The following NDUFAF1 variants were observed in gnomAD, a reference collection of about 807,000 sequenced individuals.
NDUFAF1 encodes complex I intermediate-associated protein 30, mitochondrial.
NDUFAF1 carries 18 observed loss-of-function variants against 28.7 expected under a neutral mutation model. The ratio of observed to expected loss-of-function variants is 0.63; its 90% confidence interval spans 0.43 to 0.93. NDUFAF1 has a LOEUF of 0.93. Among genes scored for constraint, NDUFAF1 ranks in the 40% least tolerant of loss-of-function variants. The probability of loss-of-function intolerance (pLI) is 0.00; values close to 1 mark genes in which losing one functional copy is unlikely to be tolerated. For synonymous variants in NDUFAF1, 113 were observed against 139.7 expected, an observed-to-expected ratio of 0.81 and a Z score of 1.35; for missense variants, 404 against 398.3, an observed-to-expected ratio of 1.01 and a Z score of -0.12.
At chr15:41,393,189 G>A (rs192149292) in intron 3 of NDUFAF1, among the ~76,000 whole-genome samples, 73 of 148,698 alleles carry the variant, frequency 4.9e-4, no homozygotes, top group African/African-American at 1.6e-3. Context: ...CAGTGGCACG[G>A]TCTCAGCTTA....
intron 3 of NDUFAF1, among the ~76,000 whole-genome samples, chr15:41,394,589 A>G (rs1454027962): frequency 6.6e-6 from 1 of 151,322 alleles, no homozygotes; most frequent in Admixed American, 6.6e-5. Flanking sequence ...GTAACAAAAA[A>G]GAAACTACAA....
intron 4 of NDUFAF1, 91 bp from the exon 5 acceptor site, chr15:41,387,684 A>G: frequency 9.0e-7 from 1 of 1,114,122 alleles, no homozygotes; most frequent in African/African-American, 1.5e-5. Flanking sequence ...GGTGATGATT[A>G]TAACTGGGTT....
intron 2 of NDUFAF1, among the ~76,000 whole-genome samples, chr15:41,395,909 G>A (rs2050380845): frequency 6.6e-6 from 1 of 151,524 alleles, no homozygotes; most frequent in Non-Finnish European, 1.5e-5. Flanking sequence ...CCAACATGGT[G>A]AAACCCTGTC....
chr15:41,390,478 C>A (rs888532517), intron 3 of NDUFAF1, among the ~76,000 whole-genome samples: 62 of 152,246 alleles, frequency 4.1e-4, no homozygotes, highest in African/African-American at 1.5e-3. Flanking sequence ...GTAATCCCAG[C>A]ACTTTGGGAG....
intron 2 of NDUFAF1, among the ~76,000 whole-genome samples, 156 bp downstream of exon 2, chr15:41,396,331 T>C (rs1379457983): frequency 2.6e-5 from 4 of 152,168 alleles, no homozygotes; most frequent in Non-Finnish European, 4.4e-5. Flanking sequence ...TTCACACTTG[T>C]GCCAATAGTT....
At chr15:41,390,787 C>T (rs2050307282) in intron 3 of NDUFAF1, among the ~76,000 whole-genome samples, 1 of 151,474 alleles carries the variant, frequency 6.6e-6, no homozygotes, top group Non-Finnish European at 1.5e-5. Context: ...AATCCCAGCA[C>T]TTTGGGAGGC....
chr15:41,399,606 G>A (rs376645811), intron 1 of NDUFAF1, among the ~76,000 whole-genome samples: 2 of 151,794 alleles, frequency 1.3e-5, no homozygotes, highest in East Asian at 3.9e-4. Flanking sequence ...TGTAATCCCA[G>A]CACTTTGGGA....
chr15:41,391,037 AAAAAT>A (rs977413218), intron 3 of NDUFAF1, among the ~76,000 whole-genome samples: 7 of 152,222 alleles, frequency 4.6e-5, no homozygotes, highest in Non-Finnish European at 1.0e-4. Flanking sequence ...TTACAAAAAT[AAAAAT>A]AAAATAAAAT....
intron 1 of NDUFAF1, among the ~76,000 whole-genome samples, chr15:41,397,924 C>A (rs145769862): frequency 0.011 from 1,619 of 147,462 alleles, 35 homozygotes; most frequent in African/African-American, 0.038. Context: ...ACTAAGGAGG[C>A]TGAGGCAAAA....
intron 3 of NDUFAF1, 72 bp from the exon 4 acceptor site, chr15:41,388,594 T>G: frequency 2.1e-6 from 2 of 970,640 alleles, no homozygotes; most frequent in Non-Finnish European, 3.3e-6. Context: ...ATTGTAACGA[T>G]AAAATGAGTT....
chr15:41,397,663 G>A (rs1470124156), intron 1 of NDUFAF1, among the ~76,000 whole-genome samples: 1 of 151,492 alleles, frequency 6.6e-6, no homozygotes, highest in East Asian at 1.9e-4. Flanking sequence ...GCCGGGTGTG[G>A]TGGCGGGCGC....
rs376033318 is a variant in NDUFAF1 at position 41,396,066 on chromosome 15, C to T, written c.573+421G>A. Among the ~76,000 whole-genome samples the T allele has an allele frequency of 6.4e-3, 967 of 150,380 alleles. 14 individuals carry two copies. The highest frequency in any genetic ancestry group is 0.022 in the African/African-American group (906 of 40,924). ...TCACGCCACTGCACTCTAGCCTGGG[C>T]GACAGAGCAAGACTCCGTTTCAAAA... On this transcript the variant is annotated intron_variant, in intron 2 of 4. Coordinates refer to ENST00000260361, the MANE Select transcript of NDUFAF1 (RefSeq NM_016013.4).
In NDUFAF1 at chr15:41,395,954, GGT is replaced by G. The variant is rs1351519671; in HGVS notation, c.573+531_573+532del. ...AATACAAAAATTAGCTGGGCGTGGT[GGT>G]GTGCACCAGTAGTCCCAGCTACTCA... On this transcript the variant is annotated intron_variant, in intron 2 of 4. Coordinates refer to ENST00000260361, the MANE Select transcript of NDUFAF1 (RefSeq NM_016013.4). Among the ~76,000 whole-genome samples, 198 of 151,948 alleles carry G rather than the reference GGT, an allele frequency of 1.3e-3. 1 individual carries two copies. Among genetic ancestry groups the G allele is most frequent in the Non-Finnish European group, 2.2e-3 (151 of 67,946 alleles).
chr15:41,393,069 C>G (rs1164835815), intron 3 of NDUFAF1, among the ~76,000 whole-genome samples: 1 of 151,006 alleles, frequency 6.6e-6, no homozygotes, highest in South Asian at 2.1e-4. Flanking sequence ...GAGAAGAATT[C>G]AGGATGACCC....
At chr15:41,400,140 A>C (rs982425309) in intron 1 of NDUFAF1, among the ~76,000 whole-genome samples, 1 of 151,370 alleles carries the variant, frequency 6.6e-6, no homozygotes, top group Non-Finnish European at 1.5e-5. Context: ...TTGGGAGGCC[A>C]AGGTGGGTGG....
chr15:41,391,319 C>A (rs2050313029), intron 3 of NDUFAF1, among the ~76,000 whole-genome samples: 1 of 151,912 alleles, frequency 6.6e-6, no homozygotes, highest in African/African-American at 2.4e-5. Context: ...TCTGCTCTCA[C>A]AGAATTTACA....
chr15:41,396,865 T>C lies in NDUFAF1; in HGVS notation c.195A>G (p.Lys65=), dbSNP rs760684650. 2.2e-5 allele frequency: 35 copies of C among 1,614,076 alleles called. No homozygotes were observed. The highest frequency in any genetic ancestry group is 2.9e-5 in the Non-Finnish European group (34 of 1,180,048). ...AAGAAGTTATATCCAAAGCAACTTC[T>C]TTCTGGTGATCTCCTTGCAAATCCC... is the stretch of plus-strand genomic sequence containing the variant. ...TEGDLQGDHQ[K]EVALDITSSE... The change falls in exon 2 of 5, where the codon AAA becomes AAG. Residue 65 remains lysine (K), a synonymous_variant. Transcript: ENST00000260361.
intron 2 of NDUFAF1, among the ~76,000 whole-genome samples, chr15:41,395,429 G>A (rs2050372584): frequency 6.6e-6 from 1 of 150,770 alleles, no homozygotes; most frequent in Non-Finnish European, 1.5e-5. Flanking sequence ...GAGTGCAGTG[G>A]TGCAATCTCA....
chr15:41,395,430 T>C (rs12594527), intron 2 of NDUFAF1, among the ~76,000 whole-genome samples: 149,664 of 149,692 alleles, frequency 1, 74,818 homozygotes, highest in Admixed American at 1. Flanking sequence ...AGTGCAGTGG[T>C]GCAATCTCAG....
Sources: gnomAD v4.1 joint callset for allele counts (sites outside exome capture counted in the v4.1 genomes callset) on GRCh38, gnomAD v4.1.1 for gene constraint, MANE v1.5 for transcripts, NCBI Gene and HGNC (gene_info 2026-07-23, HGNC 2026-07-21) for gene names.